The following ARMH1 variants were observed in gnomAD, a reference collection of about 807,000 sequenced individuals.
The protein encoded by ARMH1 is armadillo-like helical domain containing protein 1.
A neutral mutation model predicts 50.2 loss-of-function variants in ARMH1; 34 were observed. That is an observed-to-expected ratio of 0.68 (90% CI 0.51 to 0.90). ARMH1 has a LOEUF of 0.90. Ranked by LOEUF, ARMH1 falls within the 40% of genes least tolerant of loss-of-function variation. The probability of loss-of-function intolerance (pLI) is 0.00; values close to 1 mark genes in which losing one functional copy is unlikely to be tolerated. For synonymous variants in ARMH1, 221 were observed against 224.2 expected, an observed-to-expected ratio of 0.99 and a Z score of 0.13; for missense variants, 538 against 553.9, an observed-to-expected ratio of 0.97 and a Z score of 0.29.
intron 1 of ARMH1, among the ~76,000 whole-genome samples, chr1:44,676,930 C>A (rs981672633): frequency 1.3e-5 from 2 of 151,782 alleles, no homozygotes; most frequent in Non-Finnish European, 2.9e-5. Flanking sequence ...GAGAATGGTG[C>A]CCTTGAAAAA....
At chr1:44,699,598 C>T (rs570204872) in intron 4 of ARMH1, among the ~76,000 whole-genome samples, 8 of 151,662 alleles carry the variant, frequency 5.3e-5, no homozygotes, top group East Asian at 2.0e-4. Context: ...TACAGGCATG[C>T]GCCACCATGC....
rs1645328667 is a variant in ARMH1, at chr1:44,681,992, C to A, written c.-23+7119C>A. 6.6e-6 allele frequency among the ~76,000 whole-genome samples: 1 copy of A among 152,150 alleles called. No individual in the cohort carries two copies. The highest frequency in any genetic ancestry group is 1.5e-5 in the Non-Finnish European group (1 of 68,022). On this transcript the variant is annotated intron_variant, in intron 1 of 11. Coordinates refer to ENST00000535358, the MANE Select transcript of ARMH1 (RefSeq NM_001145636.2). The surrounding 1 kb of genome is among the most constrained non-coding windows in gnomAD (Gnocchi z 4.3). ...GCTCTCCACTGTTCATTAAAATCAC[C>A]TTTTTGCTTGTCTCTCTGCCCTGCC...
At chr1:44,690,752 C>T (rs191715794) in intron 2 of ARMH1, among the ~76,000 whole-genome samples, 1 of 152,206 alleles carries the variant, frequency 6.6e-6, no homozygotes, top group East Asian at 2.0e-4. Context: ...AATCTCAGCT[C>T]ACCGCAACCT....
chr1:44,711,694 T>G (rs1557552758), intron 6 of ARMH1, among the ~76,000 whole-genome samples: 1 of 152,200 alleles, frequency 6.6e-6, no homozygotes, highest in Non-Finnish European at 1.5e-5. Flanking sequence ...AGAATGGCAC[T>G]GGGGTGGGCA....
chr1:44,702,487 G>A (rs560426337), intron 5 of ARMH1, among the ~76,000 whole-genome samples: 1 of 152,180 alleles, frequency 6.6e-6, no homozygotes, highest in African/African-American at 2.4e-5. Context: ...GCCGAGGTGG[G>A]TGGATCATGA....
At position 44,724,889 on chromosome 1, in the gene ARMH1, C is replaced by T; in HGVS notation, c.1128+50C>T. 4 of 1,528,100 alleles carry T rather than the reference C, an allele frequency of 2.6e-6. No individual in the cohort carries two copies. The highest frequency in any genetic ancestry group is 3.5e-6 in the Non-Finnish European group (4 of 1,140,876). The allele number at this position is 1,528,100 out of a possible 1,614,324, so 94.7% of individuals were successfully genotyped here. On this transcript the variant is annotated intron_variant, in intron 10 of 11. Coordinates refer to ENST00000535358, the MANE Select transcript of ARMH1 (RefSeq NM_001145636.2). This position sits in a 1 kb window ranked among gnomAD's most constrained non-coding sequence, Gnocchi z 6.4. ...CGCAATGAGCAGATGGCGGCTCGGA[C>T]AGTGTGATGCCCCTTCAGACAGTCC...
chr1:44,676,733 G>A (rs887641920), intron 1 of ARMH1, among the ~76,000 whole-genome samples: 8 of 152,182 alleles, frequency 5.3e-5, no homozygotes, highest in Admixed American at 2.0e-4. Context: ...AGTGGTTTGA[G>A]AAGCAGATGG....
chr1:44,721,842 T>C (rs919667388), intron 6 of ARMH1: 7 of 152,222 alleles, frequency 4.6e-5, no homozygotes, highest in South Asian at 2.1e-4. Context: ...GTTGTTTTTC[T>C]CCACGGAAAT....
intron 6 of ARMH1, among the ~76,000 whole-genome samples, chr1:44,717,095 C>T (rs1012105580): frequency 9.2e-5 from 14 of 152,054 alleles, no homozygotes; most frequent in African/African-American, 4.8e-5. Context: ...GTGATCCAAC[C>T]GCCTTGACCT....
chr1:44,706,539 T>C (rs994654627), intron 6 of ARMH1, among the ~76,000 whole-genome samples: 5 of 152,290 alleles, frequency 3.3e-5, no homozygotes, highest in Non-Finnish European at 7.4e-5. Flanking sequence ...AGTGAGATCC[T>C]GGGGAAGATC....
chr1:44,684,799 C>G (rs1368277303), intron 1 of ARMH1: 1 of 152,266 alleles, frequency 6.6e-6, no homozygotes, highest in Admixed American at 6.5e-5. Flanking sequence ...CTGTAGGCCT[C>G]CTTGCACAGG....
intron 6 of ARMH1, chr1:44,723,702 T>C (rs1647751135): frequency 6.1e-6 from 1 of 163,298 alleles, no homozygotes; most frequent in East Asian, 1.8e-4. Context: ...AACTGCCGCC[T>C]ACCTTCCTTC....
At chr1:44,721,791 T>TA (rs1647202690) in intron 6 of ARMH1, 1 of 151,832 alleles carries the variant, frequency 6.6e-6, no homozygotes, top group Admixed American at 6.6e-5. Flanking sequence ...CATTCAGCCT[T>TA]GCCTAGGCAA....
In ARMH1 at chr1:44,724,975, C is replaced by T; in HGVS notation, c.1128+136C>T. The stretch of plus-strand genomic sequence containing the variant: ...GCCACCAGCTGCAGGAGGGACTGCT[C>T]TGGCGTAGGCTCCTCCACCCGCCAC... On this transcript the variant is annotated intron_variant, in intron 10 of 11. Coordinates refer to ENST00000535358, the MANE Select transcript of ARMH1 (RefSeq NM_001145636.2). The surrounding 1 kb of genome is among the most constrained non-coding windows in gnomAD (Gnocchi z 6.4). 2.7e-6 allele frequency: 4 copies of T among 1,497,134 alleles called. No individual in the cohort carries two copies. The African/African-American group carries it at 5.6e-5, about 21-fold the overall frequency. The allele number at this position is 1,497,134 out of a possible 1,614,324, so 92.7% of individuals were successfully genotyped here.
chr1:44,704,986 C>T (rs1323513866), intron 6 of ARMH1, among the ~76,000 whole-genome samples: 1 of 151,974 alleles, frequency 6.6e-6, no homozygotes, highest in South Asian at 2.1e-4. Context: ...AGGCGCCTGT[C>T]ACCATGCCCG....
At chr1:44,679,253 T>C (rs1167288199) in intron 1 of ARMH1, among the ~76,000 whole-genome samples, 2 of 152,242 alleles carry the variant, frequency 1.3e-5, no homozygotes, top group Non-Finnish European at 2.9e-5. Flanking sequence ...CCAATAAGCA[T>C]GATGGCATAC....
intron 2 of ARMH1, 128 bp from the exon 3 acceptor site, chr1:44,696,974 T>C: frequency 1.5e-6 from 1 of 664,478 alleles, no homozygotes; most frequent in South Asian, 1.8e-5. Context: ...GTAGCTCCTC[T>C]CAGGGTAAAG....
At chr1:44,716,518 C>G (rs1458013750) in intron 6 of ARMH1, among the ~76,000 whole-genome samples, 1 of 152,206 alleles carries the variant, frequency 6.6e-6, no homozygotes, top group Non-Finnish European at 1.5e-5. Context: ...CTTTTCTTCT[C>G]CAAGGTCCCA....
Position 44,725,141 on chromosome 1 carries a change from C to T in ARMH1, c.1134C>T (p.Asn378=), listed in dbSNP as rs1408996506. ...GEELYQLFLS[N]AEDLYMKIDS... ...CCCCTTGCTCCTGTCCTCAGAGCAA[C>T]GCTGAGGACTTGTACATGAAAATAG... The change falls in exon 11 of 12, where the codon AAC becomes AAT. Residue 378 remains asparagine, a synonymous_variant. Coordinates refer to ENST00000535358, the MANE Select transcript of ARMH1 (RefSeq NM_001145636.2). 1.3e-6 allele frequency: 2 copies of T among 1,551,928 alleles called. No homozygotes were observed. Among genetic ancestry groups the T allele is most frequent in the Non-Finnish European group, 8.7e-7 (1 of 1,147,024 alleles).
Sources: allele counts gnomAD v4.1 joint callset (sites outside exome capture counted in the v4.1 genomes callset), GRCh38; gene constraint gnomAD v4.1.1; non-coding constraint Gnocchi (gnomAD v3.1); transcripts MANE v1.5; gene names NCBI Gene and HGNC (gene_info 2026-07-23, HGNC 2026-07-21).